Variants in SLC7A11 observed in about 807,000 individuals in gnomAD.
SLC7A11 encodes the protein solute carrier family 7 member 11, also known as cystine/glutamate transporter.
SLC7A11 carries 35 observed loss-of-function variants against 54.5 expected under a neutral mutation model. That is an observed-to-expected ratio of 0.64 (90% confidence interval 0.49 to 0.85). SLC7A11 has a LOEUF of 0.85. SLC7A11 is among the 40% of genes least tolerant of loss of function. The pLI is 0.00. For synonymous variants in SLC7A11, 230 were observed against 225.2 expected (o/e 1.02, Z -0.19); for missense variants, 583 against 618.1 (o/e 0.94, Z 0.60).
intron 11 of SLC7A11, chr4:138,175,554 A>G (rs1166989361): frequency 6.6e-6 from 1 of 152,158 alleles, no homozygotes; most frequent in African/African-American, 2.4e-5. Context: ...TAAATAAATA[A>G]TATAACTAAC....
In SLC7A11 at chr4:138,241,999, A is replaced by G. The variant is rs1002712585; in HGVS notation, c.71T>C (p.Leu24Pro). The G allele has an allele frequency of 1.2e-5, 20 of 1,614,096 alleles. No individual in the cohort carries two copies. Among genetic ancestry groups the G allele is most frequent in the Non-Finnish European group, 1.7e-5 (20 of 1,180,048 alleles). The change falls in exon 1 of 12, where the codon CTG becomes CCG. Residue 24 changes from leucine (L) to proline (P), a missense_variant. Transcript: ENST00000280612. ...TGGCTCCTTGTTGCCCAGGGAAGGC[A>G]GCCTCCCGTTAACATTTCCCTGCAG... ...GYLQGNVNGR[L>P]PSLGNKEPPG...
At chr4:138,185,051 G>A (rs1736841515) in intron 7 of SLC7A11, 70 bp downstream of exon 7, 2 of 1,534,376 alleles carry the variant, frequency 1.3e-6, no homozygotes, top group Non-Finnish European at 9.0e-7. Flanking sequence ...TCTGCTAGAG[G>A]GAACTACTAT....
intron 6 of SLC7A11, among the ~76,000 whole-genome samples, chr4:138,193,416 G>C (rs1737058748): frequency 6.6e-6 from 1 of 152,140 alleles, no homozygotes; most frequent in African/African-American, 2.4e-5. Context: ...TCCAGTAGTT[G>C]AGGTAGGTTT....
intron 3 of SLC7A11, among the ~76,000 whole-genome samples, chr4:138,225,171 T>TATATATATATATATATATAA (rs1491164718): frequency 7.6e-6 from 1 of 131,490 alleles, no homozygotes; most frequent in Admixed American, 7.6e-5. Flanking sequence ...TATATATATA[T>TATATATATATATATATATAA]AAATAAAATC....
At chr4:138,207,359 T>C (rs1316420461) in intron 6 of SLC7A11, among the ~76,000 whole-genome samples, 1 of 152,086 alleles carries the variant, frequency 6.6e-6, no homozygotes, top group Admixed American at 6.6e-5. Context: ...CTAGCGACTA[T>C]TAAGTTAGAA....
At chr4:138,172,913 G>A (rs373728294) in intron 11 of SLC7A11, among the ~76,000 whole-genome samples, 5 of 152,044 alleles carry the variant, frequency 3.3e-5, no homozygotes, top group Admixed American at 2.0e-4. Context: ...GTGCGATCTC[G>A]GCTCACTGAA....
At chr4:138,208,368 T>C (rs1295350846) in intron 6 of SLC7A11, among the ~76,000 whole-genome samples, 2 of 152,104 alleles carry the variant, frequency 1.3e-5, no homozygotes, top group Non-Finnish European at 2.9e-5. Flanking sequence ...AAGTGGCTAA[T>C]CTCAGACCCC....
At chr4:138,227,506 G>A (rs754238609) in intron 3 of SLC7A11, among the ~76,000 whole-genome samples, 1 of 152,122 alleles carries the variant, frequency 6.6e-6, no homozygotes, top group Non-Finnish European at 1.5e-5. Context: ...GACTTTACAT[G>A]AATAATGTTA....
At chr4:138,206,427 C>T (rs902110750) in intron 6 of SLC7A11, among the ~76,000 whole-genome samples, 3 of 149,992 alleles carry the variant, frequency 2.0e-5, no homozygotes, top group African/African-American at 7.3e-5. Context: ...TATATATTGC[C>T]TCAAAATATA....
Position 138,242,212 on chromosome 4 carries a change from T to C in SLC7A11, c.-143A>G. The C allele has an allele frequency of 1.1e-6, 1 of 942,276 alleles. No homozygotes were observed. Among genetic ancestry groups the C allele is most frequent in the South Asian group, 1.7e-5 (1 of 58,484 alleles). 58.4% of individuals were successfully genotyped at this position (942,276 alleles called of 1,614,324 possible). A position where few individuals can be genotyped will look rare whatever the true frequency, so the allele number is the denominator to read the frequency against. On this transcript the variant is annotated 5_prime_UTR_variant, in exon 1 of 12. Coordinates refer to ENST00000280612, the MANE Select transcript of SLC7A11 (RefSeq NM_014331.4). ...CGCTATAGTGTTCACAGGTGAAAAC[T>C]CAAAGGTGTGCTTTTTCCTTCACAG...
At chr4:138,184,372 C>T (rs934470255) in intron 7 of SLC7A11, among the ~76,000 whole-genome samples, 4 of 152,104 alleles carry the variant, frequency 2.6e-5, no homozygotes, top group Non-Finnish European at 5.9e-5. Flanking sequence ...TTTCACCATT[C>T]ATTGTTATGA....
At chr4:138,188,264 T>C (rs755572835) in intron 6 of SLC7A11, among the ~76,000 whole-genome samples, 1 of 152,124 alleles carries the variant, frequency 6.6e-6, no homozygotes, top group Non-Finnish European at 1.5e-5. Context: ...GGTTTCACCA[T>C]GTTGGCCAGG....
chr4:138,234,154 C>T (rs1231877083), intron 2 of SLC7A11, among the ~76,000 whole-genome samples: 5 of 152,154 alleles, frequency 3.3e-5, no homozygotes, highest in African/African-American at 4.8e-5. Flanking sequence ...CACAGTTTTA[C>T]CTCCAGTGTT....
At chr4:138,236,291 T>C (rs1738203844) in intron 2 of SLC7A11, 34 bp downstream of exon 2, 1 of 1,574,584 alleles carries the variant, frequency 6.4e-7, no homozygotes, top group Admixed American at 1.9e-5. Flanking sequence ...TGAATTGGTT[T>C]ATTTTTTCTT....
chr4:138,169,934 A>G lies in SLC7A11; in HGVS notation c.*2022T>C, dbSNP rs1006337606. The G allele has an allele frequency of 1.3e-5, 2 of 151,942 alleles. No individual in the cohort carries two copies. The highest frequency in any genetic ancestry group is 6.6e-5 in the Admixed American group (1 of 15,240). The allele number at this position is 151,942 out of a possible 1,614,324, so 9.4% of individuals were successfully genotyped here. ...AAAGAAATGTCAGTCTTGGATATAT[A>G]TTAAATGTTTTCAAGAGCAAAATTG... On this transcript the variant is annotated 3_prime_UTR_variant, in exon 12 of 12. Coordinates refer to ENST00000280612, the MANE Select transcript of SLC7A11 (RefSeq NM_014331.4).
At chr4:138,174,346 A>G (rs1736512214) in intron 11 of SLC7A11, 1 of 152,190 alleles carries the variant, frequency 6.6e-6, no homozygotes, top group African/African-American at 2.4e-5. Context: ...GTAGCAGCAC[A>G]TGGCCATAGA....
intron 5 of SLC7A11, 25 bp downstream of exon 5, chr4:138,219,241 A>C: frequency 1.5e-6 from 2 of 1,343,134 alleles, no homozygotes; most frequent in African/African-American, 1.4e-5. Flanking sequence ...TACGCAAACC[A>C]CCAGATCTGG....
At chr4:138,173,031 C>CG (rs1242506573) in intron 11 of SLC7A11, among the ~76,000 whole-genome samples, 2 of 151,928 alleles carry the variant, frequency 1.3e-5, no homozygotes, top group East Asian at 2.0e-4. Context: ...TTAGTAGAGA[C>CG]GGGGTTCCAC....
chr4:138,228,758 C>CAAAAAAAAAAAA (rs5862371), intron 3 of SLC7A11, among the ~76,000 whole-genome samples: 4 of 67,776 alleles, frequency 5.9e-5, no homozygotes, highest in African/African-American at 1.2e-4. Context: ...GACTCCGTCT[C>CAAAAAAAAAAAA]AAAAAAAAAA....
Sources: gnomAD v4.1 joint callset for allele counts (sites outside exome capture counted in the v4.1 genomes callset) on GRCh38, gnomAD v4.1.1 for gene constraint, MANE v1.5 for transcripts, NCBI Gene and HGNC (gene_info 2026-07-23, HGNC 2026-07-21) for gene names.